The following ARHGAP24 variants were observed in gnomAD, a reference collection of about 807,000 sequenced individuals.
ARHGAP24 encodes Rho GTPase activating protein 24.
In ARHGAP24, 50 loss-of-function variants were observed where a neutral mutation model predicts 76.4. That is an observed-to-expected ratio of 0.65 (90% CI 0.52 to 0.83). ARHGAP24 has a LOEUF of 0.83. Ranked by LOEUF, ARHGAP24 falls within the 40% of genes least tolerant of loss-of-function variation. ARHGAP24 has a pLI of 0.00. For synonymous variants in ARHGAP24, 345 were observed against 323.3 expected (o/e 1.07, Z -0.72); for missense variants, 930 against 914.2 (o/e 1.02, Z -0.22).
chr4:85,731,823 A>G (rs1389965597), intron 3 of ARHGAP24, among the ~76,000 whole-genome samples: 2 of 152,226 alleles, frequency 1.3e-5, no homozygotes, highest in African/African-American at 4.8e-5. Context: ...CTCACTATAC[A>G]TTATATATAT....
chr4:85,762,909 G>T lies in ARHGAP24; in HGVS notation c.268+40937G>T, dbSNP rs190524355. On this transcript the variant is annotated intron_variant, in intron 3 of 9. Coordinates refer to ENST00000395184, the MANE Select transcript of ARHGAP24 (RefSeq NM_001025616.3). ...AACAAAAGAAAAACAAGATGACAGG[G>T]TATAAAACAAAGAATCTATTATTTC... Among the ~76,000 whole-genome samples, 4 of 152,190 alleles carry T rather than the reference G, an allele frequency of 2.6e-5. No homozygotes were observed. The East Asian group carries it at 7.7e-4, about 29-fold the overall frequency.
chr4:85,525,680 G>T (rs528666688), intron 1 of ARHGAP24, among the ~76,000 whole-genome samples: 1 of 152,222 alleles, frequency 6.6e-6, no homozygotes, highest in South Asian at 2.1e-4. Flanking sequence ...ACCACAGTCA[G>T]TCTTTTGGAG....
At chr4:85,796,571 G>C (rs1728350578) in intron 3 of ARHGAP24, among the ~76,000 whole-genome samples, 1 of 152,140 alleles carries the variant, frequency 6.6e-6, no homozygotes, top group South Asian at 2.1e-4. Flanking sequence ...TCAGGAGAGA[G>C]AAACCGCATA....
chr4:85,837,230 A>G (rs755517260), intron 3 of ARHGAP24, among the ~76,000 whole-genome samples: 5 of 152,166 alleles, frequency 3.3e-5, no homozygotes, highest in Non-Finnish European at 7.3e-5. Context: ...TTGATTCTGT[A>G]AGTTGTTTCT....
intron 2 of ARHGAP24, among the ~76,000 whole-genome samples, chr4:85,717,063 G>A (rs1366505390): frequency 6.6e-6 from 1 of 151,956 alleles, no homozygotes; most frequent in African/African-American, 2.4e-5. Flanking sequence ...AGAATATCTG[G>A]GGGAACAAAC....
At chr4:85,780,828 A>T (rs1370579418) in intron 3 of ARHGAP24, among the ~76,000 whole-genome samples, 1 of 152,242 alleles carries the variant, frequency 6.6e-6, no homozygotes, top group Non-Finnish European at 1.5e-5. Context: ...GTTCTGTAGT[A>T]GAGGTTGCCA....
chr4:85,607,294 C>A (rs1414531917), intron 2 of ARHGAP24, among the ~76,000 whole-genome samples: 1 of 150,484 alleles, frequency 6.6e-6, no homozygotes, highest in African/African-American at 2.4e-5. Context: ...CTTTAAGTTT[C>A]TTTTATTTTA....
intron 1 of ARHGAP24, among the ~76,000 whole-genome samples, chr4:85,557,564 T>C (rs1332973983): frequency 6.6e-6 from 1 of 152,190 alleles, no homozygotes; most frequent in Non-Finnish European, 1.5e-5. Flanking sequence ...GCAGTTTTCC[T>C]GTCTCACTCT....
chr4:85,985,830 A>G (rs1327837414), intron 8 of ARHGAP24, among the ~76,000 whole-genome samples: 1 of 152,202 alleles, frequency 6.6e-6, no homozygotes, highest in African/African-American at 2.4e-5. Flanking sequence ...TATACTCTAA[A>G]GCTGAAGTAA....
chr4:85,603,512 T>C (rs1720102026), intron 2 of ARHGAP24, among the ~76,000 whole-genome samples: 1 of 152,186 alleles, frequency 6.6e-6, no homozygotes, highest in Non-Finnish European at 1.5e-5. Flanking sequence ...TTTTAATACA[T>C]AGATATTAGA....
intron 1 of ARHGAP24, among the ~76,000 whole-genome samples, chr4:85,553,942 T>A (rs1726249228): frequency 6.6e-6 from 1 of 152,214 alleles, no homozygotes; most frequent in Admixed American, 6.5e-5. Flanking sequence ...GTTTTTGTAG[T>A]GGTGCATAAC....
chr4:85,670,840 C>A (rs1416154105), intron 2 of ARHGAP24, among the ~76,000 whole-genome samples: 1 of 152,156 alleles, frequency 6.6e-6, no homozygotes, highest in African/African-American at 2.4e-5. Flanking sequence ...TAGAATACTT[C>A]AGTGGCCCCT....
intron 1 of ARHGAP24, among the ~76,000 whole-genome samples, chr4:85,553,303 C>A (rs1726220410): frequency 6.6e-6 from 1 of 152,114 alleles, no homozygotes; most frequent in Non-Finnish European, 1.5e-5. Context: ...CAGTGGGTTG[C>A]CGCTACTGGC....
intron 2 of ARHGAP24, among the ~76,000 whole-genome samples, chr4:85,671,135 G>A (rs151311315): frequency 3.3e-5 from 5 of 152,056 alleles, no homozygotes; most frequent in Non-Finnish European, 4.4e-5. Context: ...TTGCTTCATC[G>A]ATACTGAACT....
intron 3 of ARHGAP24, among the ~76,000 whole-genome samples, chr4:85,854,382 TC>T (rs1175392066): frequency 6.6e-6 from 1 of 152,186 alleles, no homozygotes; most frequent in Non-Finnish European, 1.5e-5. Flanking sequence ...ATTTTATTTT[TC>T]ACCATGGTAA....
At chr4:85,620,377 T>G (rs1316771307) in intron 2 of ARHGAP24, among the ~76,000 whole-genome samples, 1 of 152,042 alleles carries the variant, frequency 6.6e-6, no homozygotes, top group Non-Finnish European at 1.5e-5. Context: ...GATTCAGTCT[T>G]GATAGGTTGT....
intron 3 of ARHGAP24, among the ~76,000 whole-genome samples, chr4:85,910,677 G>A (rs1560712155): frequency 6.6e-6 from 1 of 152,100 alleles, no homozygotes; most frequent in Non-Finnish European, 1.5e-5. Context: ...AGAGAGAGTA[G>A]CTCCTCTCTG....
At chr4:85,987,664 A>G (rs551788186) in intron 8 of ARHGAP24, among the ~76,000 whole-genome samples, 1 of 152,058 alleles carries the variant, frequency 6.6e-6, no homozygotes, top group Non-Finnish European at 1.5e-5. Flanking sequence ...TTATCACTTA[A>G]GTGAATATTA....
At chr4:85,905,238 G>A (rs6531883) in intron 3 of ARHGAP24, among the ~76,000 whole-genome samples, 16,844 of 152,010 alleles carry the variant, frequency 0.11, 973 homozygotes, top group South Asian at 0.13. Context: ...ACTGAAAAGA[G>A]GAGAAAGAAG....
Sources: allele counts gnomAD v4.1 joint callset (sites outside exome capture counted in the v4.1 genomes callset), GRCh38; gene constraint gnomAD v4.1.1; transcripts MANE v1.5; gene names NCBI Gene and HGNC (gene_info 2026-07-23, HGNC 2026-07-21).